The following CDYL variants were observed in gnomAD, a reference collection of about 807,000 sequenced individuals.
CDYL encodes chromodomain Y like.
In CDYL, 8 loss-of-function variants were observed where a neutral mutation model predicts 47.3. The observed-to-expected ratio is 0.17, with a 90% CI of 0.10 to 0.31. The LOEUF (loss-of-function observed/expected upper bound fraction) is 0.31, where lower values mean the gene tolerates loss of function less well. Ranked by LOEUF, CDYL falls within the 10% of genes least tolerant of loss-of-function variation. The probability of loss-of-function intolerance (pLI) is 1.00; values close to 1 mark genes in which losing one functional copy is unlikely to be tolerated. For missense variants in CDYL, 471 were observed against 701.4 expected (o/e 0.67, Z 3.71); for synonymous variants, 266 against 265.0 (o/e 1.00, Z -0.04).
At chr6:4,813,518 C>T (rs992055374) in intron 1 of CDYL, among the ~76,000 whole-genome samples, 1 of 152,168 alleles carries the variant, frequency 6.6e-6, no homozygotes, top group South Asian at 2.1e-4. Context: ...ACTTACTCTA[C>T]TGGGTTATCA....
rs1382622460 is a variant in CDYL at position 4,952,307 on chromosome 6, G to C, written c.1374G>C (p.Gln458His). The C allele has an allele frequency of 6.2e-7, 1 of 1,614,094 alleles. No individual in the cohort carries two copies. Among genetic ancestry groups the C allele is most frequent in the Non-Finnish European group, 8.5e-7 (1 of 1,180,042 alleles). ...MLLSGRKLTA[Q>H]EACGKGLVSQ... ...TCAGTGGACGGAAGCTGACAGCGCAGGAGGCGTGTGGCAAGGGCCTGGTCT... is the reference window on the plus strand; with the variant it reads ...TCAGTGGACGGAAGCTGACAGCGCACGAGGCGTGTGGCAAGGGCCTGGTCT... Residue 458 changes from glutamine (Q) to histidine (H), a missense_variant, in exon 6 of 7, where the codon CAG (glutamine) becomes CAC (histidine). Transcript: ENST00000397588.
intron 2 of CDYL, among the ~76,000 whole-genome samples, chr6:4,923,446 A>G (rs1757774496): frequency 6.6e-6 from 1 of 152,138 alleles, no homozygotes; most frequent in Non-Finnish European, 1.5e-5. Flanking sequence ...GTATATACCA[A>G]CATTTTCTTT....
chr6:4,827,040 C>T (rs1439584215), intron 1 of CDYL, among the ~76,000 whole-genome samples: 5 of 152,084 alleles, frequency 3.3e-5, no homozygotes, highest in Non-Finnish European at 4.4e-5. Context: ...TTGAACTGGC[C>T]TTTATGTCAC....
At chr6:4,834,869 C>T (rs1030152534) in intron 1 of CDYL, among the ~76,000 whole-genome samples, 1 of 152,130 alleles carries the variant, frequency 6.6e-6, no homozygotes, top group African/African-American at 2.4e-5. Context: ...ATCACATCGG[C>T]TCCTGAGGCT....
At chr6:4,806,431 C>A (rs1266404414) in intron 1 of CDYL, among the ~76,000 whole-genome samples, 2 of 152,186 alleles carry the variant, frequency 1.3e-5, no homozygotes, top group Non-Finnish European at 2.9e-5. Flanking sequence ...GAAAGTGTTT[C>A]AACTTTTTAT....
chr6:4,895,214 CATAT>C lies in CDYL; in HGVS notation c.691+2836_691+2839del, dbSNP rs1561693072. 6.9e-5 allele frequency among the ~76,000 whole-genome samples: 3 copies of C among 43,326 alleles called. 1 individual carries two copies. The highest frequency in any genetic ancestry group is 1.0e-4 in the African/African-American group (3 of 29,044). 28.4% of individuals were successfully genotyped at this position (43,326 alleles called of 152,430 possible). A position where few individuals can be genotyped will look rare whatever the true frequency, so the allele number is the denominator to read the frequency against. ...ATATGTATACATGAGTATATATGTA[CATAT>C]GTGTATAGATACATATATGTACAGA... On this transcript the variant is annotated intron_variant, in intron 2 of 6. Transcript: ENST00000397588.
At chr6:4,734,898 G>A in intron 3 of CDYL, 1 of 1,607,582 alleles carries the variant, frequency 6.2e-7, no homozygotes, top group Admixed American at 1.7e-5. Flanking sequence ...GCAAGGAAGA[G>A]CCCATAGGGG....
At chr6:4,888,175 T>C (rs1356507834) in intron 1 of CDYL, among the ~76,000 whole-genome samples, 1 of 152,144 alleles carries the variant, frequency 6.6e-6, no homozygotes, top group Non-Finnish European at 1.5e-5. Context: ...TTTGTTTTGG[T>C]ATTAGGTAAA....
intron 1 of CDYL, chr6:4,890,237 C>T (rs811251): frequency 0.02 from 15,734 of 782,298 alleles, 822 homozygotes; most frequent in African/African-American, 0.16. Flanking sequence ...AAAACGTCAT[C>T]TATGTGGACT....
intron 1 of CDYL, among the ~76,000 whole-genome samples, chr6:4,807,766 A>G (rs113399394): frequency 0.024 from 3,694 of 150,790 alleles, 159 homozygotes; most frequent in African/African-American, 0.086. Flanking sequence ...ACCACACCTG[A>G]CTAATTTTTA....
At chr6:4,893,775 A>G (rs187089969) in intron 2 of CDYL, among the ~76,000 whole-genome samples, 88 of 152,322 alleles carry the variant, frequency 5.8e-4, no homozygotes, top group African/African-American at 2.0e-3. Context: ...AATAGCAAAC[A>G]AAATACAATG....
chr6:4,716,785 G>A (rs974761290), intron 2 of CDYL, among the ~76,000 whole-genome samples: 12 of 152,022 alleles, frequency 7.9e-5, no homozygotes, highest in African/African-American at 2.9e-4. Context: ...GGTGTTGGGT[G>A]CACAAAAAGC....
intron 1 of CDYL, among the ~76,000 whole-genome samples, chr6:4,849,705 C>T (rs917431278): frequency 6.7e-6 from 1 of 150,142 alleles, no homozygotes; most frequent in Non-Finnish European, 1.5e-5. Flanking sequence ...AAAGTCTCTT[C>T]CTTCCAAATT....
At chr6:4,889,808 A>G (rs955323591) in intron 1 of CDYL, among the ~76,000 whole-genome samples, 4 of 152,164 alleles carry the variant, frequency 2.6e-5, no homozygotes, top group African/African-American at 4.8e-5. Flanking sequence ...TGACTTCCTT[A>G]TGTATACTCA....
intron 2 of CDYL, 109 bp from the exon 3 acceptor site, chr6:4,935,406 G>A (rs1021354667): frequency 5.2e-6 from 5 of 958,194 alleles, no homozygotes; most frequent in African/African-American, 4.9e-5. Flanking sequence ...TCTTATATTC[G>A]TTTAATCCTA....
intron 1 of CDYL, among the ~76,000 whole-genome samples, chr6:4,866,637 A>G (rs574559174): frequency 1.5e-4 from 23 of 152,296 alleles, no homozygotes; most frequent in African/African-American, 5.0e-4. Context: ...TGGTTGTATT[A>G]TAAATAAATT....
At chr6:4,817,989 G>A (rs1759720544) in intron 1 of CDYL, among the ~76,000 whole-genome samples, 1 of 152,216 alleles carries the variant, frequency 6.6e-6, no homozygotes, top group South Asian at 2.1e-4. Context: ...AGGTACAGTG[G>A]CTCACGCCTG....
At chr6:4,756,898 T>G (rs1236667328) in intron 3 of CDYL, among the ~76,000 whole-genome samples, 1 of 152,186 alleles carries the variant, frequency 6.6e-6, no homozygotes, top group Non-Finnish European at 1.5e-5. Flanking sequence ...CCTTATAGCT[T>G]ATTGTGATGT....
At chr6:4,827,682 G>A (rs1657258865) in intron 1 of CDYL, among the ~76,000 whole-genome samples, 1 of 151,998 alleles carries the variant, frequency 6.6e-6, no homozygotes, top group Non-Finnish European at 1.5e-5. Context: ...TTGAGACAGA[G>A]CCTCACTCTG....
Sources: gnomAD v4.1 joint callset for allele counts (sites outside exome capture counted in the v4.1 genomes callset) on GRCh38, gnomAD v4.1.1 for gene constraint, MANE v1.5 for transcripts, NCBI Gene and HGNC (gene_info 2026-07-23, HGNC 2026-07-21) for gene names.